Variants in NR1H4 observed in about 807,000 individuals in gnomAD.
The protein encoded by NR1H4 is nuclear receptor subfamily 1 group H member 4.
NR1H4 carries 23 observed loss-of-function variants against 58.5 expected under a neutral mutation model. That is an observed-to-expected ratio of 0.39 (90% CI 0.28 to 0.56). The LOEUF (loss-of-function observed/expected upper bound fraction) is 0.56, where lower values mean the gene tolerates loss of function less well. Among genes scored for constraint, NR1H4 ranks in the 20% least tolerant of loss-of-function variants. The pLI is 0.58. For synonymous variants in NR1H4, 214 were observed against 198.0 expected, an observed-to-expected ratio of 1.08 and a Z score of -0.68; for missense variants, 487 against 576.9, an observed-to-expected ratio of 0.84 and a Z score of 1.60.
chr12:100,501,889 T>A (rs561031867), intron 3 of NR1H4, among the ~76,000 whole-genome samples: 1 of 152,322 alleles, frequency 6.6e-6, no homozygotes, highest in East Asian at 1.9e-4. Context: ...ACATTATGCC[T>A]GGGCTCCACC....
chr12:100,542,992 C>T (rs1350694797), intron 9 of NR1H4, among the ~76,000 whole-genome samples: 1 of 152,048 alleles, frequency 6.6e-6, no homozygotes, highest in African/African-American at 2.4e-5. Context: ...GATTAACTGT[C>T]CATGATTATG....
At chr12:100,562,031 C>T in intron 10 of NR1H4, 33 bp downstream of exon 10, 1 of 1,051,746 alleles carries the variant, frequency 9.5e-7, no homozygotes, top group South Asian at 1.3e-5. Flanking sequence ...ATTTTTATGC[C>T]ATTTTTTTCA....
Position 100,516,453 on chromosome 12 carries a change from G to A in NR1H4, c.445+5310G>A, listed in dbSNP as rs556941625. ...GGCGCGATCTCAGCTCACAAACTCC[G>A]CCTCCCGGGTTCACGCCATTCTCCT... On this transcript the variant is annotated intron_variant, in intron 4 of 10. Coordinates refer to ENST00000392986, the MANE Select transcript of NR1H4 (RefSeq NM_001206979.2). Among the ~76,000 whole-genome samples, 19 of 151,230 alleles carry A rather than the reference G, an allele frequency of 1.3e-4. No individual in the cohort carries two copies. In the East Asian group the frequency reaches 1.4e-3, roughly 11 times the overall value.
In NR1H4 at chr12:100,493,363, C is replaced by G. The variant is rs1013296571; in HGVS notation, c.40C>G (p.Pro14Ala). The change falls in exon 3 of 11, where the codon CCT (proline) becomes GCT (alanine). Residue 14 changes from proline (P) to alanine (A), a missense_variant. Transcript: ENST00000392986. ...KMNLIEHSHLPTTDEFSFSEN... is the reference protein window; with the variant it reads ...KMNLIEHSHLATTDEFSFSEN... ...GAATCTCATTGAACATTCCCATTTACCTACCACAGATGAATTTTCTTTTTC... is the reference window on the plus strand; with the variant it reads ...GAATCTCATTGAACATTCCCATTTAGCTACCACAGATGAATTTTCTTTTTC... The G allele has an allele frequency of 3.2e-6, 5 of 1,578,568 alleles. No homozygotes were observed. In the African/African-American group the frequency reaches 6.7e-5, roughly 21 times the overall value.
chr12:100,495,713 G>T (rs1198572794), intron 3 of NR1H4, among the ~76,000 whole-genome samples: 1 of 151,824 alleles, frequency 6.6e-6, no homozygotes, highest in Non-Finnish European at 1.5e-5. Context: ...TGGTGACAGA[G>T]TGAGGCTCCA....
intron 9 of NR1H4, among the ~76,000 whole-genome samples, chr12:100,542,381 C>CT (rs1954959686): frequency 6.6e-6 from 1 of 152,006 alleles, no homozygotes; most frequent in Non-Finnish European, 1.5e-5. Context: ...AACCACTATG[C>CT]TATAGTACCT....
At chr12:100,558,274 A>G (rs1955379284) in intron 9 of NR1H4, among the ~76,000 whole-genome samples, 2 of 145,408 alleles carry the variant, frequency 1.4e-5, no homozygotes, top group Admixed American at 1.4e-4. Context: ...TTGGGAGGCC[A>G]AGGGACGGAG....
intron 3 of NR1H4, among the ~76,000 whole-genome samples, chr12:100,493,826 C>T (rs76684533): frequency 0.031 from 4,712 of 152,190 alleles, 162 homozygotes; most frequent in East Asian, 0.15. Flanking sequence ...GCAGTTCCTC[C>T]GGTGCTGGGG....
rs1555335820 is a variant in NR1H4 at position 100,537,016 on chromosome 12, G to A, written c.900G>A (p.Gln300=). 1.2e-6 allele frequency: 2 copies of A among 1,605,750 alleles called. No individual in the cohort carries two copies. Among genetic ancestry groups the A allele is most frequent in the Middle Eastern group, 1.7e-4 (1 of 6,016 alleles). The change falls in exon 8 of 11, where the codon CAG becomes CAA. Residue 300 remains glutamine (Q), a synonymous_variant. Coordinates refer to ENST00000392986, the MANE Select transcript of NR1H4 (RefSeq NM_001206979.2). ...ILTEMATNHV[Q]VLVEFTKKLP... The stretch of plus-strand genomic sequence containing the variant: ...CGGAAATGGCAACCAATCATGTACA[G>A]GTTCTTGTAGAATTCACAAAAAAGC...
At chr12:100,514,871 C>T (rs1954221601) in intron 4 of NR1H4, among the ~76,000 whole-genome samples, 1 of 152,016 alleles carries the variant, frequency 6.6e-6, no homozygotes, top group Non-Finnish European at 1.5e-5. Flanking sequence ...TTTCTATACA[C>T]AAAGGAACAA....
intron 9 of NR1H4, among the ~76,000 whole-genome samples, chr12:100,560,652 C>T (rs1332868662): frequency 2.6e-5 from 4 of 152,194 alleles, no homozygotes; most frequent in African/African-American, 9.7e-5. Context: ...GGGTCCGCGG[C>T]TTCATTCTTG....
chr12:100,487,498 G>A (rs1386293260), intron 1 of NR1H4, among the ~76,000 whole-genome samples: 2 of 152,010 alleles, frequency 1.3e-5, no homozygotes, highest in Non-Finnish European at 2.9e-5. Flanking sequence ...CCAGGACAGG[G>A]GTGGGGAATG....
intron 1 of NR1H4, among the ~76,000 whole-genome samples, chr12:100,476,122 T>C (rs1953264848): frequency 6.6e-6 from 1 of 152,114 alleles, no homozygotes. Context: ...AGTTAGGAAG[T>C]AGCGGGACCT....
chr12:100,558,054 TTTTG>T (rs1320359925), intron 9 of NR1H4, among the ~76,000 whole-genome samples: 1 of 152,068 alleles, frequency 6.6e-6, no homozygotes. Flanking sequence ...TTGTTTTTGT[TTTTG>T]TTTTTAGAGA....
At chr12:100,550,621 C>T (rs1955183026) in intron 9 of NR1H4, among the ~76,000 whole-genome samples, 1 of 151,202 alleles carries the variant, frequency 6.6e-6, no homozygotes, top group Non-Finnish European at 1.5e-5. Context: ...CCGCCTCAGC[C>T]TCCCAAAGTG....
At chr12:100,561,543 A>G (rs1209536051) in intron 9 of NR1H4, among the ~76,000 whole-genome samples, 2 of 152,242 alleles carry the variant, frequency 1.3e-5, no homozygotes, top group Non-Finnish European at 2.9e-5. Context: ...CATATTCAAA[A>G]GATTCACTAA....
chr12:100,554,333 A>G (rs1368545468), intron 9 of NR1H4, among the ~76,000 whole-genome samples: 2 of 152,126 alleles, frequency 1.3e-5, no homozygotes, highest in Non-Finnish European at 1.5e-5. Flanking sequence ...AGAATAAGTC[A>G]TATAGAGGTA....
intron 5 of NR1H4, among the ~76,000 whole-genome samples, chr12:100,533,747 A>C (rs1954748665): frequency 6.6e-6 from 1 of 152,206 alleles, no homozygotes; most frequent in Non-Finnish European, 1.5e-5. Flanking sequence ...ATCCAGTAAC[A>C]GATGCGGATA....
At chr12:100,551,175 T>A (rs1955195370) in intron 9 of NR1H4, among the ~76,000 whole-genome samples, 1 of 152,230 alleles carries the variant, frequency 6.6e-6, no homozygotes, top group Non-Finnish European at 1.5e-5. Context: ...AGATAAAGTA[T>A]AAGCAGTTGT....
Sources: allele counts gnomAD v4.1 joint callset (sites outside exome capture counted in the v4.1 genomes callset), GRCh38; gene constraint gnomAD v4.1.1; transcripts MANE v1.5; gene names NCBI Gene and HGNC (gene_info 2026-07-23, HGNC 2026-07-21).